The following LRRC4C variants were observed in gnomAD, a reference collection of about 807,000 sequenced individuals.
The protein encoded by LRRC4C is leucine rich repeat containing 4C, also known as leucine-rich repeat-containing protein 4C.
LRRC4C carries 5 observed loss-of-function variants against 33.6 expected under a neutral mutation model. That is an observed-to-expected ratio of 0.15 (90% CI 0.08 to 0.31). The LOEUF is 0.31. Ranked by LOEUF, LRRC4C falls within the 10% of genes least tolerant of loss-of-function variation. The pLI, the probability that LRRC4C is intolerant of heterozygous loss-of-function variation, is 1.00. For missense variants in LRRC4C, 560 were observed against 796.7 expected (o/e 0.70, Z 3.58); for synonymous variants, 329 against 302.0 (o/e 1.09, Z -0.93).
At chr11:40,388,843 A>G (rs764762552) in intron 3 of LRRC4C, among the ~76,000 whole-genome samples, 4 of 152,200 alleles carry the variant, frequency 2.6e-5, no homozygotes, top group Non-Finnish European at 5.9e-5. Flanking sequence ...TTCTGTCTGT[A>G]TTCAGATATT....
chr11:40,776,055 G>C (rs1285148380), intron 2 of LRRC4C, among the ~76,000 whole-genome samples: 1 of 151,972 alleles, frequency 6.6e-6, no homozygotes, highest in South Asian at 2.1e-4. Flanking sequence ...TCTTAATTCT[G>C]TATATGTGGT....
At chr11:41,172,122 G>A (rs561997878) in intron 1 of LRRC4C, among the ~76,000 whole-genome samples, 52 of 152,172 alleles carry the variant, frequency 3.4e-4, no homozygotes, top group African/African-American at 1.0e-3. Flanking sequence ...AAAGGGTGGC[G>A]GAGGGAGAAC....
At chr11:40,383,126 T>A (rs370218587) in intron 3 of LRRC4C, among the ~76,000 whole-genome samples, 20 of 152,276 alleles carry the variant, frequency 1.3e-4, no homozygotes, top group African/African-American at 4.6e-4. Flanking sequence ...GCAGAGTTTG[T>A]CATGTGTCTG....
intron 1 of LRRC4C, among the ~76,000 whole-genome samples, chr11:41,183,245 C>T (rs1242950623): frequency 6.6e-6 from 1 of 152,138 alleles, no homozygotes; most frequent in Non-Finnish European, 1.5e-5. Context: ...TCCCCAACGT[C>T]TTAACACATT....
chr11:40,686,468 C>A (rs573601857), intron 2 of LRRC4C, among the ~76,000 whole-genome samples: 39 of 151,962 alleles, frequency 2.6e-4, no homozygotes, highest in Admixed American at 1.7e-3. Context: ...CCCATTACCC[C>A]GAGAGATACT....
intron 1 of LRRC4C, among the ~76,000 whole-genome samples, chr11:41,341,381 C>T (rs184130850): frequency 6.6e-6 from 1 of 152,242 alleles, no homozygotes; most frequent in African/African-American, 2.4e-5. Context: ...GAGGTTCTGC[C>T]GGTTGCATAT....
intron 1 of LRRC4C, among the ~76,000 whole-genome samples, chr11:41,089,740 T>C (rs1046772191): frequency 2.0e-5 from 3 of 152,128 alleles, no homozygotes; most frequent in Non-Finnish European, 4.4e-5. Context: ...TTTAGCTATT[T>C]CTTGTAAATA....
intron 3 of LRRC4C, among the ~76,000 whole-genome samples, chr11:40,576,051 C>T (rs1231717688): frequency 2.0e-4 from 30 of 152,076 alleles, no homozygotes; most frequent in Admixed American, 2.0e-3. Context: ...TCTTTATTTT[C>T]CTGCTTCAGA....
chr11:41,010,538 C>T (rs542964498), intron 1 of LRRC4C, among the ~76,000 whole-genome samples: 2 of 152,230 alleles, frequency 1.3e-5, no homozygotes, highest in African/African-American at 4.8e-5. Flanking sequence ...GACTTGGCAA[C>T]AAAGGATGTA....
At chr11:41,110,067 T>C (rs1218554070) in intron 1 of LRRC4C, among the ~76,000 whole-genome samples, 1 of 152,030 alleles carries the variant, frequency 6.6e-6, no homozygotes, top group East Asian at 1.9e-4. Context: ...AACCCACTAT[T>C]TTATTGCTCC....
intron 1 of LRRC4C, among the ~76,000 whole-genome samples, chr11:41,451,309 G>T (rs1322947990): frequency 6.6e-6 from 1 of 151,976 alleles, no homozygotes; most frequent in Non-Finnish European, 1.5e-5. Flanking sequence ...TAGGAATAGG[G>T]TTATTTTAAA....
Position 40,604,466 on chromosome 11 carries a change from G to A in LRRC4C, c.-270+43676C>T, listed in dbSNP as rs144396951. On this transcript the variant is annotated intron_variant, in intron 3 of 6. Coordinates refer to ENST00000528697, the MANE Select transcript of LRRC4C (RefSeq NM_001258419.2). ...GCTTGTATTTTATGATCTCTAATAT[G>A]AGGTGAGAAAATTCCTTCATGTCTT... Among the ~76,000 whole-genome samples, 9 of 152,142 alleles carry A rather than the reference G, an allele frequency of 5.9e-5. No individual in the cohort carries two copies. The South Asian group carries it at 1.5e-3, about 25-fold the overall frequency.
chr11:41,272,219 G>A (rs1220420401), intron 1 of LRRC4C, among the ~76,000 whole-genome samples: 1 of 152,134 alleles, frequency 6.6e-6, no homozygotes, highest in Non-Finnish European at 1.5e-5. Context: ...TCTTTGTGGC[G>A]ATGCTGTGGA....
chr11:41,219,593 G>A (rs1477167058), intron 1 of LRRC4C, among the ~76,000 whole-genome samples: 2 of 152,130 alleles, frequency 1.3e-5, no homozygotes, highest in African/African-American at 4.8e-5. Context: ...CCATTTATTT[G>A]CTATGGCACT....
chr11:40,136,298 G>T (rs1427558068), intron 6 of LRRC4C, among the ~76,000 whole-genome samples: 3 of 151,532 alleles, frequency 2.0e-5, no homozygotes, highest in Admixed American at 6.6e-5. Flanking sequence ...TGGAGTCTTC[G>T]CTCTGTCGCC....
At chr11:40,603,083 G>A (rs1211940878) in intron 3 of LRRC4C, among the ~76,000 whole-genome samples, 3 of 152,130 alleles carry the variant, frequency 2.0e-5, no homozygotes, top group African/African-American at 4.8e-5. Flanking sequence ...TAAAGGGAAT[G>A]GCACACAGGC....
At chr11:40,662,703 G>A (rs1943508210) in intron 2 of LRRC4C, among the ~76,000 whole-genome samples, 1 of 152,198 alleles carries the variant, frequency 6.6e-6, no homozygotes, top group Non-Finnish European at 1.5e-5. Context: ...TCTAGAATCA[G>A]AAGATCTGGG....
At chr11:40,171,117 A>G (rs1297629946) in intron 5 of LRRC4C, among the ~76,000 whole-genome samples, 2 of 152,178 alleles carry the variant, frequency 1.3e-5, no homozygotes, top group Non-Finnish European at 2.9e-5. Flanking sequence ...ACAGACCATT[A>G]TACAAGCTAA....
At chr11:40,230,776 A>T (rs1198505061) in intron 5 of LRRC4C, among the ~76,000 whole-genome samples, 1 of 152,164 alleles carries the variant, frequency 6.6e-6, no homozygotes, top group African/African-American at 2.4e-5. Flanking sequence ...AGACAAAAGG[A>T]TGAATCAAAT....
Sources: allele counts gnomAD v4.1 joint callset (sites outside exome capture counted in the v4.1 genomes callset), GRCh38; gene constraint gnomAD v4.1.1; transcripts MANE v1.5; gene names NCBI Gene and HGNC (gene_info 2026-07-23, HGNC 2026-07-21).